DIS3: variants seen among roughly 807,000 people sequenced by gnomAD.
The protein encoded by DIS3 is exosome complex exonuclease RRP44.
In DIS3, 103 loss-of-function variants were observed where a neutral mutation model predicts 113.0. The observed-to-expected ratio is 0.91, with a 90% confidence interval of 0.78 to 1.07. The LOEUF (loss-of-function observed/expected upper bound fraction) is 1.07. Among genes scored for constraint, DIS3 ranks in the 50% least tolerant of loss-of-function variants. The probability of loss-of-function intolerance (pLI) is 0.00; values close to 1 mark genes in which losing one functional copy is unlikely to be tolerated. For synonymous variants in DIS3, 402 were observed against 394.3 expected, an observed-to-expected ratio of 1.02 and a Z score of -0.23; for missense variants, 1,121 against 1,167.1, an observed-to-expected ratio of 0.96 and a Z score of 0.58.
Position 72,775,926 on chromosome 13 carries a change from TCTTTA to T in DIS3, c.816_820del (p.Asn272LysfsTer8), listed in dbSNP as rs762821521. ...TAAGGAATTTATTTATATACTTGCC[TCTTTA>T]TTTTCTTCATTGTCGCCATGAATCC... On this transcript the variant is annotated frameshift_variant and splice_region_variant, in exon 5 of 21. Coordinates refer to ENST00000377767, the MANE Select transcript of DIS3 (RefSeq NM_014953.5). LOFTEE classifies it high-confidence loss of function. 6.3e-7 allele frequency: 1 copy of T among 1,599,910 alleles called. No individual in the cohort carries two copies. The highest frequency in any genetic ancestry group is 2.2e-5 in the East Asian group (1 of 44,612).
At position 72,781,837 on chromosome 13, in the gene DIS3, C is replaced by T. The variant is rs577492927; in HGVS notation, c.-5G>A. The T allele has an allele frequency of 1.5e-5, 24 of 1,572,252 alleles. No individual in the cohort carries two copies. In the East Asian group the frequency reaches 4.6e-4, roughly 30 times the overall value. ...GAACGTCTTGGACTTGAGCATCTTG[C>T]CTCGCCGCGCAGAATCCTAACCCCA... is the stretch of plus-strand genomic sequence containing the variant. On this transcript the variant is annotated 5_prime_UTR_variant, in exon 1 of 21. Coordinates refer to ENST00000377767, the MANE Select transcript of DIS3 (RefSeq NM_014953.5).
intron 16 of DIS3, among the ~76,000 whole-genome samples, chr13:72,763,161 C>T (rs1460595867): frequency 6.6e-6 from 1 of 151,996 alleles, no homozygotes; most frequent in African/African-American, 2.4e-5. Flanking sequence ...ATTAGCCACT[C>T]ATGGTGGTGT....
At chr13:72,781,349 C>CT in intron 1 of DIS3, 2 of 1,551,252 alleles carry the variant, frequency 1.3e-6, no homozygotes, top group Non-Finnish European at 1.7e-6. Context: ...CCTCCAGGCA[C>CT]TTACAATCTA....
rs1434918543 is a variant in DIS3, at chr13:72,772,157, A to T, written c.1503+2T>A. On this transcript the variant is annotated splice_donor_variant, in intron 10 of 20. Coordinates refer to ENST00000377767, the MANE Select transcript of DIS3 (RefSeq NM_014953.5). LOFTEE classifies it high-confidence loss of function. Reference sequence around the variant, plus strand: ...GGTAAGAACACTATTACATATGAATACCTCCAAATTTCCATTTTCGAGTTC... The same window carrying T: ...GGTAAGAACACTATTACATATGAATTCCTCCAAATTTCCATTTTCGAGTTC... 1 of 1,606,536 alleles carries T rather than the reference A, an allele frequency of 6.2e-7. No individual in the cohort carries two copies. Among genetic ancestry groups the T allele is most frequent in the Non-Finnish European group, 8.5e-7 (1 of 1,175,304 alleles).
At position 72,772,725 on chromosome 13, in the gene DIS3, G is replaced by C. The variant is rs1368270298; in HGVS notation, c.1354C>G (p.Leu452Val). 1.2e-6 allele frequency: 2 copies of C among 1,611,666 alleles called. No homozygotes were observed. Among genetic ancestry groups the C allele is most frequent in the Non-Finnish European group, 1.7e-6 (2 of 1,179,492 alleles). The change falls in exon 9 of 21, where the codon CTG (leucine) becomes GTG (valine). Residue 452 changes from leucine (L) to valine (V), a missense_variant. Physicochemically the swap from Leu to Val is conservative, Grantham distance 32. Coordinates refer to ENST00000377767, the MANE Select transcript of DIS3 (RefSeq NM_014953.5). ...QPFSQAVLSF[L>V]PKMPWSITEK... is the part of the protein sequence containing the mutation. Reference sequence around the variant, plus strand: ...GTAATGCTCCAGGGCATCTTTGGCAGAAAACTAAGAACAGCCTGTGAAAAA... The same window carrying C: ...GTAATGCTCCAGGGCATCTTTGGCACAAAACTAAGAACAGCCTGTGAAAAA...
At chr13:72,781,380 G>A in intron 1 of DIS3, 1 of 1,548,358 alleles carries the variant, frequency 6.5e-7, no homozygotes, top group South Asian at 1.2e-5. Flanking sequence ...GACACCAGGA[G>A]TTAGAAAAAT....
intron 3 of DIS3, 44 bp downstream of exon 3, chr13:72,778,143 C>A: frequency 6.8e-7 from 1 of 1,471,624 alleles, no homozygotes; most frequent in Non-Finnish European, 9.2e-7. Context: ...TATTTTTACA[C>A]GCATTTGCAA....
At chr13:72,770,867 A>T in intron 13 of DIS3, 37 bp downstream of exon 13, 1 of 1,473,760 alleles carries the variant, frequency 6.8e-7, no homozygotes, top group Non-Finnish European at 9.1e-7. Flanking sequence ...AGTACCAAAA[A>T]GTTTAAAAAT....
At position 72,756,387 on chromosome 13, in the gene DIS3, T is replaced by C. The variant is rs1302334541; in HGVS notation, c.*3408A>G. On this transcript the variant is annotated 3_prime_UTR_variant, in exon 21 of 21. Transcript: ENST00000377767. ...AATCACACAGGTGTTAAACTCAATA[T>C]AAATTTACCTAAAAACAATTGCTAT... 1 of 154,024 alleles carries C rather than the reference T, an allele frequency of 6.5e-6. No individual in the cohort carries two copies. The allele number at this position is 154,024 out of a possible 1,614,324, so 9.5% of individuals were successfully genotyped here.
In DIS3 at chr13:72,762,176, T is replaced by G. The variant is rs745971247; in HGVS notation, c.2128-39A>C. ...GGAGGGAAGAGCACCATATTAAACA[T>G]TTCTAAGTCAGTACCATTATGTCTT... On this transcript the variant is annotated intron_variant, in intron 16 of 20. Coordinates refer to ENST00000377767, the MANE Select transcript of DIS3 (RefSeq NM_014953.5). 1.9e-6 allele frequency: 3 copies of G among 1,541,304 alleles called. No homozygotes were observed. The African/African-American group carries it at 4.1e-5, about 21-fold the overall frequency.
rs1342245436 is a variant in DIS3, at chr13:72,754,901, A to G, written c.*4894T>C. On this transcript the variant is annotated 3_prime_UTR_variant, in exon 21 of 21. Coordinates refer to ENST00000377767, the MANE Select transcript of DIS3 (RefSeq NM_014953.5). ...CAGCTTTTTAAAATTTTTGGTAGAG[A>G]CAGGGTCTCACTATGTTGCCAGGGC... is the stretch of plus-strand genomic sequence containing the variant. 5.5e-6 allele frequency: 2 copies of G among 363,908 alleles called. No homozygotes were observed. The highest frequency in any genetic ancestry group is 4.3e-5 in the Admixed American group (1 of 23,000). The allele number at this position is 363,908 out of a possible 1,614,324, so 22.5% of individuals were successfully genotyped here.
At chr13:72,777,544 TG>T in intron 3 of DIS3, 51 bp from the exon 4 acceptor site, 1 of 1,485,834 alleles carries the variant, frequency 6.7e-7, no homozygotes, top group Non-Finnish European at 9.4e-7. Context: ...TCCTTAGATA[TG>T]AAAAAAATGG....
At chr13:72,776,165 T>A in intron 4 of DIS3, 73 bp from the exon 5 acceptor site, 2 of 1,416,128 alleles carry the variant, frequency 1.4e-6, no homozygotes, top group South Asian at 3.0e-5. Context: ...ATTATTAATA[T>A]CAGAGAATTT....
At position 72,780,946 on chromosome 13, in the gene DIS3, G is replaced by T. The variant is rs377703744; in HGVS notation, c.286C>A (p.Gln96Lys). The T allele has an allele frequency of 1.9e-6, 3 of 1,613,242 alleles. No homozygotes were observed. In the African/African-American group the frequency reaches 4.0e-5, roughly 22 times the overall value. The change falls in exon 2 of 21, where the codon CAA becomes AAA. Residue 96 changes from glutamine to lysine, a missense_variant. By Grantham distance (53) the Gln-to-Lys change is moderately conservative. Coordinates refer to ENST00000377767, the MANE Select transcript of DIS3 (RefSeq NM_014953.5). ...GGGGCACTGCGATTTCTCACTTCTT[G>T]AAGAACTGTTTGTAGCACAATTACA... Reference protein sequence around the residue: ...RNVIVLQTVLQEVRNRSAPVY... With the variant: ...RNVIVLQTVLKEVRNRSAPVY...
intron 2 of DIS3, 64 bp downstream of exon 2, chr13:72,780,782 G>C (rs1041580515): frequency 6.9e-7 from 1 of 1,449,762 alleles, no homozygotes; most frequent in East Asian, 2.3e-5. Flanking sequence ...TTACTCACAG[G>C]AACCCTCTCC....
Position 72,758,674 on chromosome 13 carries a change from C to A in DIS3, c.*1121G>T, listed in dbSNP as rs1401202892. The A allele has an allele frequency of 9.2e-6, 2 of 216,654 alleles. No homozygotes were observed. The highest frequency in any genetic ancestry group is 1.9e-5 in the Non-Finnish European group (2 of 107,604). The allele number at this position is 216,654 out of a possible 1,614,324, so 13.4% of individuals were successfully genotyped here. ...GGAGGTTTTCCTCAGTAATAGGAAA[C>A]TGGAAAAATTAGTCAACATTTATTG... On this transcript the variant is annotated 3_prime_UTR_variant, in exon 21 of 21. Transcript: ENST00000377767.
At chr13:72,767,451 G>A (rs1164978751) in intron 14 of DIS3, among the ~76,000 whole-genome samples, 1 of 152,056 alleles carries the variant, frequency 6.6e-6, no homozygotes, top group African/African-American at 2.4e-5. Context: ...TGACAAGCTT[G>A]AGTGAAAGTT....
At position 72,753,641 on chromosome 13, in the gene DIS3, T is replaced by G; in HGVS notation, c.*6154A>C. 1 of 1,556,410 alleles carries G rather than the reference T, an allele frequency of 6.4e-7. No homozygotes were observed. Among genetic ancestry groups the G allele is most frequent in the Non-Finnish European group, 8.8e-7 (1 of 1,139,450 alleles). ...ATAGTGGTTTACTTATTTAAATATT[T>G]GACTTTTAAGTTCCTCACAATATAT... On this transcript the variant is annotated 3_prime_UTR_variant, in exon 21 of 21. Coordinates refer to ENST00000377767, the MANE Select transcript of DIS3 (RefSeq NM_014953.5).
In DIS3 at chr13:72,781,001, A is replaced by C. The variant is rs1176126376; in HGVS notation, c.231T>G (p.Ile77Met). ...LPDTNVLLHQ[I>M]DVLEDPAIRN... Reference sequence around the variant, plus strand: ...TGATGGCAGGGTCCTCAAGAACATCAATCTTAAAGAAAGATAAAGTTAATT... The same window carrying C: ...TGATGGCAGGGTCCTCAAGAACATCCATCTTAAAGAAAGATAAAGTTAATT... The change falls in exon 2 of 21, where the codon ATT becomes ATG. Residue 77 changes from isoleucine to methionine, a missense_variant and splice_region_variant. Coordinates refer to ENST00000377767, the MANE Select transcript of DIS3 (RefSeq NM_014953.5). 1 of 1,592,002 alleles carries C rather than the reference A, an allele frequency of 6.3e-7. No homozygotes were observed. The highest frequency in any genetic ancestry group is 1.4e-5 in the African/African-American group (1 of 73,116).
Sources: allele counts gnomAD v4.1 joint callset (sites outside exome capture counted in the v4.1 genomes callset), GRCh38; gene constraint gnomAD v4.1.1; transcripts MANE v1.5; gene names NCBI Gene and HGNC (gene_info 2026-07-23, HGNC 2026-07-21).